The following MKI67 variants were observed in gnomAD, a reference collection of about 807,000 sequenced individuals.
MKI67 encodes the protein marker of proliferation Ki-67.
A neutral mutation model predicts 233.5 loss-of-function variants in MKI67; 152 were observed. That is an observed-to-expected ratio of 0.65 (90% CI 0.57 to 0.74). The LOEUF is 0.74. Ranked by LOEUF, MKI67 falls within the 30% of genes least tolerant of loss-of-function variation. MKI67 has a pLI of 0.00. For synonymous variants in MKI67, 1,465 were observed against 1,418.5 expected (o/e 1.03, Z -0.74); for missense variants, 3,940 against 3,885.2 (o/e 1.01, Z -0.37).
intron 11 of MKI67, among the ~76,000 whole-genome samples, chr10:128,110,921 G>A (rs1852661573): frequency 6.6e-6 from 1 of 152,178 alleles, no homozygotes; most frequent in African/African-American, 2.4e-5. Flanking sequence ...AGTCTTGGGT[G>A]CTCAGTTCTA....
Position 128,102,847 on chromosome 10 carries a change from C to T in MKI67, c.8993G>A (p.Arg2998Lys). The change falls in exon 13 of 15, where the codon AGG becomes AAG. Residue 2998 changes from arginine (R) to lysine (K), a missense_variant. Coordinates refer to ENST00000368654, the MANE Select transcript of MKI67 (RefSeq NM_002417.5). ...GACGCTTCCATCTTTGCCACCTCCCCTCTTGAAGGGCAGTGGGGGCAGGGA... is the reference window on the plus strand; with the variant it reads ...GACGCTTCCATCTTTGCCACCTCCCTTCTTGAAGGGCAGTGGGGGCAGGGA... ...NTSLPPLPFK[R>K]GGGKDGSVTG... 6.2e-7 allele frequency: 1 copy of T among 1,614,202 alleles called. No homozygotes were observed. Among genetic ancestry groups the T allele is most frequent in the Non-Finnish European group, 8.5e-7 (1 of 1,180,040 alleles).
chr10:128,101,788 C>CTAA lies in MKI67; in HGVS notation c.9262-90_9262-88dup, dbSNP rs1381998773. On this transcript the variant is annotated intron_variant, in intron 13 of 14. Coordinates refer to ENST00000368654, the MANE Select transcript of MKI67 (RefSeq NM_002417.5). ...AACAGGGAGCACAATCAACAGTAAC[C>CTAA]TAAAAGGAGAAATCATTTGAAAATC... 5 of 1,007,450 alleles carry CTAA rather than the reference C, an allele frequency of 5.0e-6. No individual in the cohort carries two copies. The Admixed American group carries it at 1.3e-4, about 27-fold the overall frequency. The allele number at this position is 1,007,450 out of a possible 1,614,324, so 62.4% of individuals were successfully genotyped here. A position where few individuals can be genotyped will look rare whatever the true frequency, so the allele number is the denominator to read the frequency against.
chr10:128,122,625 C>T (rs564012618), intron 4 of MKI67, among the ~76,000 whole-genome samples: 1 of 152,122 alleles, frequency 6.6e-6, no homozygotes. Flanking sequence ...AAGAAAATAA[C>T]AAACTCCTTT....
At position 128,104,251 on chromosome 10, in the gene MKI67, T is replaced by C. The variant is rs563159097; in HGVS notation, c.7589A>G (p.Lys2530Arg). The C allele has an allele frequency of 1.2e-6, 2 of 1,614,124 alleles. No homozygotes were observed. Among genetic ancestry groups the C allele is most frequent in the Non-Finnish European group, 1.7e-6 (2 of 1,180,016 alleles). The part of the protein sequence containing the change: ...KSIKAFKESP[K>R]QILDPAASVT... The stretch of plus-strand genomic sequence containing the variant: ...ACTTGCTGCTGGGTCCAGGATCTGC[T>C]TTGGAGACTCCTTAAACGCTTTGAT... The change falls in exon 13 of 15, where the codon AAG becomes AGG. Residue 2530 changes from lysine (K) to arginine (R), a missense_variant. Coordinates refer to ENST00000368654, the MANE Select transcript of MKI67 (RefSeq NM_002417.5).
chr10:128,109,503 T>TA (rs1280372900), intron 12 of MKI67, 80 bp from the exon 13 acceptor site: 10 of 1,442,874 alleles, frequency 6.9e-6, no homozygotes, highest in East Asian at 2.3e-5. Flanking sequence ...TAAAATATGG[T>TA]AAAAAACTAA....
At position 128,104,358 on chromosome 10, in the gene MKI67, C is replaced by G; in HGVS notation, c.7482G>C (p.Glu2494Asp). 1 of 1,614,160 alleles carries G rather than the reference C, an allele frequency of 6.2e-7. No individual in the cohort carries two copies. Among genetic ancestry groups the G allele is most frequent in the East Asian group, 2.2e-5 (1 of 44,870 alleles). ...IPLVKVDMKE[E>D]PLAVSKLTRT... is the part of the protein sequence containing the mutation. ...GTGTGAGCTTGCTGACTGCTAGGGG[C>G]TCTTCTTTCATGTCCACTTTCACCA... The change falls in exon 13 of 15, where the codon GAG (glutamate) becomes GAC (aspartate). Residue 2494 changes from glutamate (E) to aspartate (D), a missense_variant. By Grantham distance (45) the Glu-to-Asp change is conservative. Transcript: ENST00000368654.
At position 128,115,998 on chromosome 10, in the gene MKI67, G is replaced by T; in HGVS notation, c.410C>A (p.Ala137Asp). 6.3e-7 allele frequency: 1 copy of T among 1,579,568 alleles called. No individual in the cohort carries two copies. ...SSFSSDPDEK[A>D]QDSKAYSKIT... ...TTTTGAATAGGCCTTGGAATCTTGA[G>T]CTTTCTCATCTTGGCAATGAATTAT... Residue 137 changes from alanine to aspartate, a missense_variant, in exon 7 of 15, where the codon GCT becomes GAT. Transcript: ENST00000368654.
Position 128,106,550 on chromosome 10 carries a change from T to C in MKI67, c.5290A>G (p.Thr1764Ala). 3 of 1,614,028 alleles carry C rather than the reference T, an allele frequency of 1.9e-6. No individual in the cohort carries two copies. Among genetic ancestry groups the C allele is most frequent in the East Asian group, 4.5e-5 (2 of 44,870 alleles). ...CTAAATGCTAAAAATTCTTCTTCAG[T>C]GTCTGCTTTCCTGAGACTTCTCTTG... ...QPKRSLRKAD[T>A]EEEFLAFRKQ... Residue 1764 changes from threonine (T) to alanine (A), a missense_variant, in exon 13 of 15, where the codon ACT becomes GCT. Coordinates refer to ENST00000368654, the MANE Select transcript of MKI67 (RefSeq NM_002417.5).
At chr10:128,123,782 T>C (rs1240526646) in intron 2 of MKI67, among the ~76,000 whole-genome samples, 1 of 152,010 alleles carries the variant, frequency 6.6e-6, no homozygotes, top group Non-Finnish European at 1.5e-5. Context: ...CTCTAAACAA[T>C]AAAAATACTA....
In MKI67 at chr10:128,106,940, T is replaced by C; in HGVS notation, c.4900A>G (p.Lys1634Glu). 6.2e-7 allele frequency: 1 copy of C among 1,614,206 alleles called. No individual in the cohort carries two copies. Among genetic ancestry groups the C allele is most frequent in the Non-Finnish European group, 8.5e-7 (1 of 1,180,034 alleles). Reference sequence around the variant, plus strand: ...ACGCCCACTTTCCCCAGGGATGTCTTGAGCCGTCGCTTGGAGCTTGCTGGG... The same window carrying C: ...ACGCCCACTTTCCCCAGGGATGTCTCGAGCCGTCGCTTGGAGCTTGCTGGG... ...KNPASSKRRLKTSLGKVGVKE... is the reference protein window; with the variant it reads ...KNPASSKRRLETSLGKVGVKE... Residue 1634 changes from lysine (K) to glutamate (E), a missense_variant, in exon 13 of 15, where the codon AAG becomes GAG. By Grantham distance (56) the Lys-to-Glu change is moderately conservative (BLOSUM62 1). Coordinates refer to ENST00000368654, the MANE Select transcript of MKI67 (RefSeq NM_002417.5).
rs138724720 is a variant in MKI67 at position 128,105,795 on chromosome 10, G to A, written c.6045C>T (p.Val2015=). ...TCCCTGACGTCTGTGTGAGCTTGCC[G>A]ACTGGTAGGACCTCTTCTTTCACAC... ...KVGVKEEVLP[V]GKLTQTSGKT... Residue 2015 remains valine (V), a synonymous_variant, in exon 13 of 15, where the codon GTC becomes GTT. Transcript: ENST00000368654. 1.0e-4 allele frequency: 163 copies of A among 1,614,138 alleles called. No individual in the cohort carries two copies. The highest frequency in any genetic ancestry group is 1.1e-4 in the African/African-American group (8 of 75,020).
In MKI67 at chr10:128,105,470, G is replaced by A. The variant is rs867841258; in HGVS notation, c.6370C>T (p.Pro2124Ser). ...TCCACTATATCCCTTTTCCCCAAAGGTGTTTTGGGCCGCCTCCTTGTGCTT... is the reference window on the plus strand; with the variant it reads ...TCCACTATATCCCTTTTCCCCAAAGATGTTTTGGGCCGCCTCCTTGTGCTT... ...PTSTRRRPKT[P>S]LGKRDIVEEL... The change falls in exon 13 of 15, where the codon CCT becomes TCT. Residue 2124 changes from proline (P) to serine (S), a missense_variant. By Grantham distance (74) the Pro-to-Ser change is moderately conservative (BLOSUM62 -1). Transcript: ENST00000368654. The A allele has an allele frequency of 3.1e-6, 5 of 1,613,722 alleles. No individual in the cohort carries two copies. The highest frequency in any genetic ancestry group is 2.2e-5 in the East Asian group (1 of 44,836).
At position 128,106,576 on chromosome 10, in the gene MKI67, G is replaced by A. The variant is rs1276222739; in HGVS notation, c.5264C>T (p.Pro1755Leu). 3.7e-6 allele frequency: 6 copies of A among 1,614,102 alleles called. No homozygotes were observed. The highest frequency in any genetic ancestry group is 5.1e-6 in the Non-Finnish European group (6 of 1,180,006). ...VDTPTSSKPQ[P>L]KRSLRKADTE... ...GTCTGCTTTCCTGAGACTTCTCTTG[G>A]GCTGTGGCTTGGAGCTTGTTGGGGT... The change falls in exon 13 of 15, where the codon CCC becomes CTC. Residue 1755 changes from proline (P) to leucine (L), a missense_variant. By Grantham distance (98) the Pro-to-Leu change is moderately conservative. Transcript: ENST00000368654.
chr10:128,105,583 G>C lies in MKI67; in HGVS notation c.6257C>G (p.Pro2086Arg), dbSNP rs150420844. 4.0e-5 allele frequency: 65 copies of C among 1,614,056 alleles called. No individual in the cohort carries two copies. The African/African-American group carries it at 8.3e-4, about 21-fold the overall frequency. The change falls in exon 13 of 15, where the codon CCA becomes CGA. Residue 2086 changes from proline to arginine, a missense_variant. Transcript: ENST00000368654. Reference protein sequence around the residue: ...LAGFKELFQTPDHTEESTTDD... With the variant: ...LAGFKELFQTRDHTEESTTDD... ...AGTTGTTGATTCCTCAGTGTGGTCT[G>C]GTGTCTGGAAGAGCTCTTTGAAGCC...
At chr10:128,112,468 A>G in intron 8 of MKI67, 23 bp from the exon 9 acceptor site, 1 of 1,607,146 alleles carries the variant, frequency 6.2e-7, no homozygotes, top group African/African-American at 1.3e-5. Context: ...AATTGTTTAC[A>G]AGAAGCCTTA....
At position 128,105,028 on chromosome 10, in the gene MKI67, G is replaced by A. The variant is rs768553047; in HGVS notation, c.6812C>T (p.Pro2271Leu). Residue 2271 changes from proline (P) to leucine (L), a missense_variant, in exon 13 of 15, where the codon CCA becomes CTA. Coordinates refer to ENST00000368654, the MANE Select transcript of MKI67 (RefSeq NM_002417.5). Reference sequence around the variant, plus strand: ...CATGTCTTTCTCATCACCTCCTGCTGGTTTGGGTGTGTCCATAGCTTTCCC... The same window carrying A: ...CATGTCTTTCTCATCACCTCCTGCTAGTTTGGGTGTGTCCATAGCTTTCCC... Reference protein sequence around the residue: ...SVGKAMDTPKPAGGDEKDMKA... With the variant: ...SVGKAMDTPKLAGGDEKDMKA... 2 of 1,613,118 alleles carry A rather than the reference G, an allele frequency of 1.2e-6. No homozygotes were observed. Among genetic ancestry groups the A allele is most frequent in the East Asian group, 4.5e-5 (2 of 44,788 alleles).
In MKI67 at chr10:128,101,365, G is replaced by C. The variant is rs16912247; in HGVS notation, c.9598C>G (p.Leu3200Val). The change falls in exon 14 of 15, where the codon CTG becomes GTG. Residue 3200 changes from leucine (L) to valine (V), a missense_variant. Physicochemically the swap from Leu to Val is conservative, Grantham distance 32. Transcript: ENST00000368654. The stretch of plus-strand genomic sequence containing the variant: ...TGGCTTTTTGTCTTTCTTGATCTCA[G>C]GCACATGGAGTCTGAATTTCCTGCT... ...GEAGNSDSMC[L>V]RSRKTKSQPA... 6.2e-7 allele frequency: 1 copy of C among 1,614,100 alleles called. No individual in the cohort carries two copies. Among genetic ancestry groups the C allele is most frequent in the Non-Finnish European group, 8.5e-7 (1 of 1,180,024 alleles).
In MKI67 at chr10:128,108,930, C is replaced by A; in HGVS notation, c.2910G>T (p.Leu970Phe). The A allele has an allele frequency of 6.2e-7, 1 of 1,614,264 alleles. No individual in the cohort carries two copies. Among genetic ancestry groups the A allele is most frequent in the Middle Eastern group, 1.6e-4 (1 of 6,062 alleles). The change falls in exon 13 of 15, where the codon TTG becomes TTT. Residue 970 changes from leucine (L) to phenylalanine (F), a missense_variant. Physicochemically the swap from Leu to Phe is conservative, Grantham distance 22. Transcript: ENST00000368654. ...PMSDLTDLKS[L>F]PDTELMKDTA... ...TGTCTTTCATGAGTTCTGTATCAGG[C>A]AAGCTCTTGAGGTCTGTCAGGTCAG... is the stretch of plus-strand genomic sequence containing the variant.
chr10:128,122,575 A>T (rs1477887824), intron 4 of MKI67, among the ~76,000 whole-genome samples: 1 of 152,188 alleles, frequency 6.6e-6, no homozygotes, highest in East Asian at 1.9e-4. Flanking sequence ...TTTAAAATAA[A>T]AAAGAATAGA....
Sources: gnomAD v4.1 joint callset for allele counts (sites outside exome capture counted in the v4.1 genomes callset) on GRCh38, gnomAD v4.1.1 for gene constraint, MANE v1.5 for transcripts, NCBI Gene and HGNC (gene_info 2026-07-23, HGNC 2026-07-21) for gene names.